The following BET1 variants were observed in gnomAD, a reference collection of about 807,000 sequenced individuals.
BET1 encodes the protein BET1 homolog.
A neutral mutation model predicts 13.9 loss-of-function variants in BET1; 9 were observed. The observed-to-expected ratio is 0.65, with a 90% CI of 0.39 to 1.13. The LOEUF (loss-of-function observed/expected upper bound fraction) is 1.13, where lower values mean the gene tolerates loss of function less well. Ranked by LOEUF, BET1 falls within the 50% of genes most tolerant of loss-of-function variation. BET1 has a pLI of 0.01. For missense variants in BET1, 127 were observed against 133.6 expected, an observed-to-expected ratio of 0.95 and a Z score of 0.24; for synonymous variants, 39 against 47.3, an observed-to-expected ratio of 0.82 and a Z score of 0.72.
downstream of BET1, chr7:93,992,902 T>C: frequency 2.0e-6 from 2 of 985,382 alleles, no homozygotes; most frequent in South Asian, 9.4e-5. Flanking sequence ...GTCAGGCTTA[T>C]CTGTTTAAGT....
intron 5 of BET1, among the ~76,000 whole-genome samples, chr7:93,975,659 A>G (rs975619195): frequency 2.0e-5 from 3 of 152,118 alleles, no homozygotes; most frequent in Non-Finnish European, 4.4e-5. Context: ...TGTTTTTTGC[A>G]TAGATACTTA....
intron 3 of BET1, chr7:93,995,956 T>C (rs546071978): frequency 2.6e-6 from 1 of 388,884 alleles, no homozygotes; most frequent in African/African-American, 2.1e-5. Flanking sequence ...AAATTACTAG[T>C]AGTCTCTACT....
intron 4 of BET1, among the ~76,000 whole-genome samples, chr7:93,981,018 T>A (rs1024193666): frequency 3.9e-5 from 6 of 152,214 alleles, no homozygotes; most frequent in African/African-American, 1.4e-4. Flanking sequence ...CTCTGGGCTT[T>A]ATTTTAGACA....
intron 4 of BET1, among the ~76,000 whole-genome samples, chr7:93,977,204 T>C (rs1795353565): frequency 6.6e-6 from 1 of 152,116 alleles, no homozygotes; most frequent in African/African-American, 2.4e-5. Flanking sequence ...CTCATGCTTG[T>C]AATCTCAGCA....
intron 5 of BET1, among the ~76,000 whole-genome samples, chr7:93,973,456 A>G (rs577139887): frequency 9.9e-5 from 15 of 152,090 alleles, no homozygotes; most frequent in African/African-American, 3.4e-4. Context: ...CAAAGTGTAT[A>G]TTATTCCCAT....
chr7:93,969,489 A>G (rs1278683328), intron 6 of BET1: 2 of 151,840 alleles, frequency 1.3e-5, no homozygotes, highest in African/African-American at 2.4e-5. Context: ...TTCCTACTCT[A>G]TGCTGGTGGA....
chr7:93,993,395 T>A lies in BET1; in HGVS notation c.*835A>T. 9.2e-6 allele frequency: 9 copies of A among 981,104 alleles called. No individual in the cohort carries two copies. The highest frequency in any genetic ancestry group is 1.1e-5 in the Non-Finnish European group (9 of 825,610). 60.8% of individuals were successfully genotyped at this position (981,104 alleles called of 1,614,324 possible). A position where few individuals can be genotyped will look rare whatever the true frequency, so the allele number is the denominator to read the frequency against. ...CTTTCCATAAACAAATACACTGGATTAAAGCAATAATACTCTTATCTTCAA... is the reference window on the plus strand; with the variant it reads ...CTTTCCATAAACAAATACACTGGATAAAAGCAATAATACTCTTATCTTCAA... On this transcript the variant is annotated 3_prime_UTR_variant, in exon 4 of 4. Transcript: ENST00000222547.
At chr7:93,992,275 CTCTA>C, downstream of BET1, 9 of 985,296 alleles carry the variant, frequency 9.1e-6, no homozygotes, top group African/African-American at 1.7e-5. Context: ...TTCCTGAAAT[CTCTA>C]TCTGCTTGAT....
downstream of BET1, chr7:93,991,688 G>T: frequency 1.5e-6 from 1 of 659,896 alleles, no homozygotes; most frequent in Non-Finnish European, 1.9e-6. Flanking sequence ...TCAGCCCAAA[G>T]TCATAGTGTG....
At chr7:93,991,809 T>C, downstream of BET1, 1 of 968,136 alleles carries the variant, frequency 1.0e-6, no homozygotes, top group Non-Finnish European at 1.2e-6. Flanking sequence ...TATTCATCAG[T>C]ATAGAATGAT....
chr7:93,999,316 A>C, intron 1 of BET1, 22 bp from the exon 2 acceptor site: 4 of 1,590,146 alleles, frequency 2.5e-6, no homozygotes, highest in Non-Finnish European at 3.4e-6. Flanking sequence ...AGAGTCACAA[A>C]GGTGGTTCTA....
chr7:93,997,921 C>T (rs1034145733), intron 2 of BET1, among the ~76,000 whole-genome samples: 1 of 152,070 alleles, frequency 6.6e-6, no homozygotes, highest in African/African-American at 2.4e-5. Context: ...AGAAATGGCA[C>T]AAATGGTCTT....
At chr7:93,995,391 A>G (rs778054212) in intron 3 of BET1, among the ~76,000 whole-genome samples, 19 of 152,228 alleles carry the variant, frequency 1.2e-4, no homozygotes, top group Admixed American at 2.6e-4. Context: ...AAGCCCTGGC[A>G]TAATAATAAA....
chr7:93,999,174 T>G lies in BET1; in HGVS notation c.140A>C (p.Lys47Thr). 6.2e-7 allele frequency: 1 copy of G among 1,609,754 alleles called. No homozygotes were observed. Among genetic ancestry groups the G allele is most frequent in the Non-Finnish European group, 8.5e-7 (1 of 1,177,022 alleles). ...TAATATTTGTTATATACTTACAGATTTTATAGCAGTTACTTTGCTTCTCAG... is the reference window on the plus strand; with the variant it reads ...TAATATTTGTTATATACTTACAGATGTTATAGCAGTTACTTTGCTTCTCAG... Reference protein sequence around the residue: ...ESLRSKVTAIKSLSIEIGHEV... With the variant: ...ESLRSKVTAITSLSIEIGHEV... Residue 47 changes from lysine to threonine, a missense_variant, in exon 2 of 4, where the codon AAA (lysine) becomes ACA (threonine). By Grantham distance (78) the Lys-to-Thr change is moderately conservative. Coordinates refer to ENST00000222547, the MANE Select transcript of BET1 (RefSeq NM_005868.6).
exon 5 of BET1, chr7:93,976,051 A>C: frequency 1.6e-6 from 2 of 1,277,620 alleles, no homozygotes; most frequent in Non-Finnish European, 2.0e-6. Flanking sequence ...AAATTAGCAG[A>C]AGTAGGCTTT....
chr7:93,963,172 A>T (rs555330609), exon 7 of BET1: 2 of 152,126 alleles, frequency 1.3e-5, no homozygotes, highest in East Asian at 3.9e-4. Flanking sequence ...TTTTAAGACT[A>T]AAACTGAAAC....
In BET1 at chr7:93,982,386, T is replaced by C. The variant is rs1795443307; in HGVS notation, c.236-6286A>G. 1.3e-5 allele frequency among the ~76,000 whole-genome samples: 2 copies of C among 152,152 alleles called. 1 individual carries two copies. The highest frequency in any genetic ancestry group is 2.9e-5 in the Non-Finnish European group (2 of 68,028). Reference sequence around the variant, plus strand: ...TCTCAGTCATAAACAAATTTACCTATCTGGGTGTCTAGAACTCTGTAATTT... The same window carrying C: ...TCTCAGTCATAAACAAATTTACCTACCTGGGTGTCTAGAACTCTGTAATTT... On this transcript the variant is annotated intron_variant and NMD_transcript_variant, in intron 4 of 6. Transcript: ENST00000357520.
intron 1 of BET1, among the ~76,000 whole-genome samples, chr7:94,002,572 A>C (rs1467697756): frequency 2.0e-5 from 3 of 152,132 alleles, no homozygotes; most frequent in Non-Finnish European, 4.4e-5. Flanking sequence ...ACAATACTTT[A>C]AAAACTTCCC....
chr7:93,965,653 C>T (rs1486025748), exon 7 of BET1: 2 of 152,012 alleles, frequency 1.3e-5, no homozygotes, highest in East Asian at 3.9e-4. Context: ...GAGTCTGGAA[C>T]TGATTGCCCA....
Sources: allele counts gnomAD v4.1 joint callset (sites outside exome capture counted in the v4.1 genomes callset), GRCh38; gene constraint gnomAD v4.1.1; transcripts MANE v1.5; gene names NCBI Gene and HGNC (gene_info 2026-07-23, HGNC 2026-07-21).